The following PCSK2 variants were observed in gnomAD, a reference collection of about 807,000 sequenced individuals.
The protein encoded by PCSK2 is proprotein convertase subtilisin/kexin type 2, also known as neuroendocrine convertase 2.
Under a neutral mutation model 69.7 loss-of-function variants are expected in PCSK2, and 14 were observed. That is an observed-to-expected ratio of 0.20 (90% CI 0.13 to 0.31). The LOEUF (loss-of-function observed/expected upper bound fraction) is 0.31, where lower values mean the gene tolerates loss of function less well. Among genes scored for constraint, PCSK2 ranks in the 10% least tolerant of loss-of-function variants. PCSK2 has a pLI of 1.00. For synonymous variants in PCSK2, 307 were observed against 320.7 expected (o/e 0.96, Z 0.46); for missense variants, 544 against 842.5 (o/e 0.65, Z 4.39).
chr20:17,291,137 G>A (rs1256980111), intron 2 of PCSK2, among the ~76,000 whole-genome samples: 1 of 147,616 alleles, frequency 6.8e-6, no homozygotes, highest in African/African-American at 2.5e-5. Flanking sequence ...TAGGTGTGAA[G>A]TTTAAAAAAA....
In PCSK2 at chr20:17,361,101, G is replaced by A. The variant is rs371213986; in HGVS notation, c.505+461G>A. On this transcript the variant is annotated intron_variant, in intron 4 of 11. Transcript: ENST00000262545. ...AATTCCTCAATCACACTAGCCTCAA[G>A]TTCTTGATATCCACATGGGGCTAGC... is the stretch of plus-strand genomic sequence containing the variant. Among the ~76,000 whole-genome samples the A allele has an allele frequency of 3.3e-5, 5 of 152,150 alleles. No individual in the cohort carries two copies. The East Asian group carries it at 5.8e-4, about 18-fold the overall frequency.
At chr20:17,448,696 CCAT>C (rs2032745276) in intron 8 of PCSK2, among the ~76,000 whole-genome samples, 1 of 152,058 alleles carries the variant, frequency 6.6e-6, no homozygotes, top group African/African-American at 2.4e-5. Flanking sequence ...AAAAATGTCT[CCAT>C]CACTGCATCC....
intron 11 of PCSK2, among the ~76,000 whole-genome samples, chr20:17,474,738 C>G (rs2033263165): frequency 6.6e-6 from 1 of 152,138 alleles, no homozygotes; most frequent in African/African-American, 2.4e-5. Flanking sequence ...GACTCAAATT[C>G]CAGGCTCCTC....
At chr20:17,419,271 T>C (rs374870058) in intron 6 of PCSK2, among the ~76,000 whole-genome samples, 1 of 152,374 alleles carries the variant, frequency 6.6e-6, no homozygotes, top group East Asian at 1.9e-4. Context: ...TTTGCTTTTG[T>C]TGGATTATTC....
At chr20:17,425,424 A>T (rs1233143680) in intron 6 of PCSK2, among the ~76,000 whole-genome samples, 1 of 152,168 alleles carries the variant, frequency 6.6e-6, no homozygotes. Flanking sequence ...TTTTCTGTTC[A>T]TCAAAGACTG....
intron 11 of PCSK2, among the ~76,000 whole-genome samples, chr20:17,476,216 T>C (rs1051202299): frequency 1.6e-4 from 25 of 152,226 alleles, no homozygotes; most frequent in African/African-American, 5.8e-4. Flanking sequence ...GGGAAAAAAC[T>C]GAATGCCCTT....
At chr20:17,313,308 C>T (rs1053799784) in intron 2 of PCSK2, among the ~76,000 whole-genome samples, 7 of 152,210 alleles carry the variant, frequency 4.6e-5, no homozygotes, top group Middle Eastern at 3.4e-3. Context: ...CAGGAGCTGA[C>T]GGTCTAGCTC....
At chr20:17,235,219 A>C (rs1986295418) in intron 1 of PCSK2, among the ~76,000 whole-genome samples, 1 of 152,190 alleles carries the variant, frequency 6.6e-6, no homozygotes, top group Non-Finnish European at 1.5e-5. Context: ...AATTGAATAA[A>C]ACAAGTTCTT....
chr20:17,348,481 A>G (rs1202551842), intron 2 of PCSK2, among the ~76,000 whole-genome samples: 4 of 152,236 alleles, frequency 2.6e-5, no homozygotes, highest in Non-Finnish European at 5.9e-5. Flanking sequence ...GATCCTCACC[A>G]CAACCAAAGT....
At chr20:17,278,653 T>G (rs28483402) in intron 2 of PCSK2, among the ~76,000 whole-genome samples, 9 of 152,042 alleles carry the variant, frequency 5.9e-5, no homozygotes, top group Admixed American at 1.3e-4. Flanking sequence ...CACACCAACA[T>G]GGCACATGTA....
At chr20:17,258,761 A>AGT (rs11467589) in intron 1 of PCSK2, among the ~76,000 whole-genome samples, 36,999 of 144,904 alleles carry the variant, frequency 0.26, 4,765 homozygotes, top group Non-Finnish European at 0.31. Flanking sequence ...CATAATATGT[A>AGT]GTGTGTGTGT....
At chr20:17,260,547 T>C (rs939826394) in intron 2 of PCSK2, among the ~76,000 whole-genome samples, 1 of 152,204 alleles carries the variant, frequency 6.6e-6, no homozygotes. Context: ...CCCCTTTGTA[T>C]GGCTGGAGGA....
chr20:17,481,606 T>C lies in PCSK2; in HGVS notation c.1453T>C (p.Leu485=), dbSNP rs2033403194. ...CAGGAAAATACCATCCACTGGCAAG[T>C]TGGTGCTGACACTCACAACCGACGC... ...DPEKIPSTGK[L]VLTLTTDACE... The change falls in exon 12 of 12, where the codon TTG becomes CTG. Residue 485 remains leucine, a synonymous_variant. Coordinates refer to ENST00000262545, the MANE Select transcript of PCSK2 (RefSeq NM_002594.5). The C allele has an allele frequency of 6.2e-7, 1 of 1,613,912 alleles. No individual in the cohort carries two copies. Among genetic ancestry groups the C allele is most frequent in the East Asian group, 2.2e-5 (1 of 44,852 alleles).
intron 11 of PCSK2, 77 bp downstream of exon 11, chr20:17,465,630 A>C: frequency 4.6e-6 from 4 of 869,224 alleles, no homozygotes; most frequent in Non-Finnish European, 7.1e-6. Flanking sequence ...GCATAATATC[A>C]CATTCCCTCT....
intron 5 of PCSK2, among the ~76,000 whole-genome samples, chr20:17,381,171 G>A (rs1040619061): frequency 2.6e-5 from 4 of 152,080 alleles, no homozygotes; most frequent in African/African-American, 9.7e-5. Flanking sequence ...CCAACCTACG[G>A]GAAATTATTT....
At chr20:17,418,982 C>T (rs16999149) in intron 6 of PCSK2, among the ~76,000 whole-genome samples, 1,662 of 152,272 alleles carry the variant, frequency 0.011, 14 homozygotes, top group South Asian at 0.039. Flanking sequence ...CTGTCCAGCA[C>T]GAGATTCTCA....
chr20:17,235,807 A>G (rs998775699), intron 1 of PCSK2, among the ~76,000 whole-genome samples: 4 of 152,160 alleles, frequency 2.6e-5, no homozygotes, highest in Non-Finnish European at 5.9e-5. Flanking sequence ...CACAAACAAA[A>G]AAGTGAATCC....
Position 17,366,831 on chromosome 20 carries a change from T to C in PCSK2, c.506-2409T>C, listed in dbSNP as rs575776167. Reference sequence around the variant, plus strand: ...TTTAATTAGGCTAAATTTATCTTGTTTTAATTCTAATTTCCTTCTGGTCTC... The same window carrying C: ...TTTAATTAGGCTAAATTTATCTTGTCTTAATTCTAATTTCCTTCTGGTCTC... On this transcript the variant is annotated intron_variant, in intron 4 of 11. Transcript: ENST00000262545. 3.9e-5 allele frequency among the ~76,000 whole-genome samples: 6 copies of C among 152,300 alleles called. No homozygotes were observed. The South Asian group carries it at 1.0e-3, about 26-fold the overall frequency.
chr20:17,372,546 T>C (rs1399651806), intron 5 of PCSK2, among the ~76,000 whole-genome samples: 2 of 152,218 alleles, frequency 1.3e-5, no homozygotes, highest in Non-Finnish European at 2.9e-5. Context: ...ATGTCTATGC[T>C]GAACTTAAAC....
Sources: allele counts gnomAD v4.1 joint callset (sites outside exome capture counted in the v4.1 genomes callset), GRCh38; gene constraint gnomAD v4.1.1; transcripts MANE v1.5; gene names NCBI Gene and HGNC (gene_info 2026-07-23, HGNC 2026-07-21).